Variants in RNFT1 observed in about 807,000 individuals in gnomAD.
RNFT1 encodes the protein ring finger protein, transmembrane 1.
RNFT1 carries 35 observed loss-of-function variants against 53.2 expected under a neutral mutation model. That is an observed-to-expected ratio of 0.66 (90% confidence interval 0.50 to 0.87). The LOEUF is 0.87. RNFT1 is among the 40% of genes least tolerant of loss of function. The pLI, the probability that RNFT1 is intolerant of heterozygous loss-of-function variation, is 0.00. For synonymous variants in RNFT1, 141 were observed against 172.8 expected, an observed-to-expected ratio of 0.82 and a Z score of 1.44; for missense variants, 421 against 515.0, an observed-to-expected ratio of 0.82 and a Z score of 1.77.
chr17:59,952,313 G>A lies in RNFT1; in HGVS notation c.*664C>T, dbSNP rs1452890349. ...GGTACTATACAAAAAGCATGATCAT[G>A]AACATTAAAGCTGATGGCAGGAAGA... On this transcript the variant is annotated 3_prime_UTR_variant, in exon 9 of 9. Transcript: ENST00000305783. 1.3e-5 allele frequency: 2 copies of A among 152,156 alleles called. No individual in the cohort carries two copies. The highest frequency in any genetic ancestry group is 4.8e-5 in the African/African-American group (2 of 41,452). 9.4% of individuals were successfully genotyped at this position (152,156 alleles called of 1,614,324 possible).
chr17:59,957,807 T>C (rs1054867256), intron 5 of RNFT1, among the ~76,000 whole-genome samples: 4 of 152,120 alleles, frequency 2.6e-5, no homozygotes, highest in African/African-American at 9.7e-5. Context: ...ATCACACCAC[T>C]GCACTCCAGC....
chr17:59,958,753 A>C (rs184514898), intron 4 of RNFT1: 1 of 450,516 alleles, frequency 2.2e-6, no homozygotes, highest in African/African-American at 2.0e-5. Context: ...GTTTTTCTTA[A>C]CCAATTCCAA....
intron 5 of RNFT1, 149 bp downstream of exon 5, chr17:59,958,142 C>CA: frequency 2.8e-6 from 2 of 710,818 alleles, no homozygotes; most frequent in Non-Finnish European, 4.5e-6. Flanking sequence ...AGTGCCTGAA[C>CA]AAATGGTTGC....
intron 6 of RNFT1, 96 bp downstream of exon 6, chr17:59,957,128 G>C (rs2045258572): frequency 4.9e-6 from 6 of 1,229,986 alleles, no homozygotes; most frequent in Non-Finnish European, 6.8e-6. Flanking sequence ...GTGATATGAA[G>C]ATAAACTATA....
At chr17:59,956,803 A>C (rs2045256914) in intron 6 of RNFT1, among the ~76,000 whole-genome samples, 1 of 152,266 alleles carries the variant, frequency 6.6e-6, no homozygotes, top group Non-Finnish European at 1.5e-5. Flanking sequence ...TCAAAGTCAA[A>C]GCAATTTTAT....
At chr17:59,958,555 G>A in intron 4 of RNFT1, 111 bp from the exon 5 acceptor site, 1 of 915,076 alleles carries the variant, frequency 1.1e-6, no homozygotes, top group South Asian at 1.6e-5. Context: ...AAAAATATGA[G>A]TTTGGCAGGA....
intron 3 of RNFT1, 22 bp from the exon 4 acceptor site, chr17:59,960,190 A>G: frequency 6.3e-7 from 1 of 1,587,272 alleles, no homozygotes. Flanking sequence ...ACAATTTTAT[A>G]ATGTTACTTT....
chr17:59,963,618 T>C (rs1337972369), intron 1 of RNFT1, among the ~76,000 whole-genome samples: 2 of 152,216 alleles, frequency 1.3e-5, no homozygotes, highest in Non-Finnish European at 2.9e-5. Flanking sequence ...CTGGGTACTC[T>C]GGTACATTTA....
At chr17:59,961,652 C>T (rs1177177394) in intron 3 of RNFT1, among the ~76,000 whole-genome samples, 3 of 151,926 alleles carry the variant, frequency 2.0e-5, no homozygotes, top group Non-Finnish European at 4.4e-5. Flanking sequence ...TCTTGGCTCA[C>T]TGCAACCTCT....
chr17:59,959,475 C>T (rs776898234), intron 4 of RNFT1: 4 of 152,218 alleles, frequency 2.6e-5, no homozygotes, highest in Non-Finnish European at 4.4e-5. Flanking sequence ...TTCTTACTTT[C>T]AGAAACAACG....
chr17:59,954,687 G>A (rs1420610275), intron 7 of RNFT1, among the ~76,000 whole-genome samples: 2 of 152,180 alleles, frequency 1.3e-5, no homozygotes, highest in East Asian at 3.8e-4. Flanking sequence ...CCAAGTGAGT[G>A]CAATATGAAG....
rs746477440 is a variant in RNFT1, at chr17:59,954,001, G to C, written c.1173+44C>G. 6.6e-6 allele frequency: 8 copies of C among 1,209,892 alleles called. No homozygotes were observed. The South Asian group carries it at 1.0e-4, about 15-fold the overall frequency. 74.9% of individuals were successfully genotyped at this position (1,209,892 alleles called of 1,614,324 possible). ...ATAAATTTGACTTTTGCAAGTCACA[G>C]AGAACTGTTGTATTTAGGTTTTTAA... On this transcript the variant is annotated intron_variant, in intron 8 of 8. Coordinates refer to ENST00000305783, the MANE Select transcript of RNFT1 (RefSeq NM_016125.4).
chr17:59,961,764 A>G (rs1384663720), intron 3 of RNFT1, among the ~76,000 whole-genome samples: 2 of 151,684 alleles, frequency 1.3e-5, no homozygotes, highest in African/African-American at 4.8e-5. Context: ...TTTAGTAGAC[A>G]TGGGGTTTCA....
At chr17:59,954,884 T>C (rs2045244155) in intron 7 of RNFT1, among the ~76,000 whole-genome samples, 2 of 152,238 alleles carry the variant, frequency 1.3e-5, no homozygotes, top group Non-Finnish European at 2.9e-5. Context: ...TTTTCTTCTC[T>C]TCTAATGTCC....
chr17:59,954,114 A>T lies in RNFT1; in HGVS notation c.1104T>A (p.Cys368Ter), dbSNP rs1230367849. 6.2e-7 allele frequency: 1 copy of T among 1,603,280 alleles called. No individual in the cohort carries two copies. The change falls in exon 8 of 9, where the codon TGT becomes TGA. Residue 368 changes from cysteine (C) to a stop codon, truncating the protein, a stop_gained. Coordinates refer to ENST00000305783, the MANE Select transcript of RNFT1 (RefSeq NM_016125.4). LOFTEE classifies it high-confidence loss of function. ...TTGAACAAATATCATCCACATCTGA[A>T]CACTGTCTCTTGCTGGCAGCCACTC... ...SYGVAASKRQ[C>*]SDVDDICSIC...
rs1428128675 is a variant in RNFT1, at chr17:59,958,344, A to G, written c.793T>C (p.Leu265=). Residue 265 remains leucine (L), a synonymous_variant, in exon 5 of 9, where the codon TTA becomes CTA. Transcript: ENST00000305783. ...GGCACCAATAAAATAAGGCATTTTA[A>G]GCCCATGAAAAAGAATTTCAGAATG... ...DFILKFFFMG[L]KCLILLVPSF... The G allele has an allele frequency of 1.2e-6, 2 of 1,603,580 alleles. No individual in the cohort carries two copies. The highest frequency in any genetic ancestry group is 1.8e-5 in the Admixed American group (1 of 56,970).
chr17:59,953,873 T>G, intron 8 of RNFT1, 172 bp downstream of exon 8: 1 of 468,814 alleles, frequency 2.1e-6, no homozygotes. Flanking sequence ...GCATAAAAAT[T>G]ATCAGAACAT....
At chr17:59,960,263 A>AT in intron 3 of RNFT1, 95 bp from the exon 4 acceptor site, 1 of 1,345,498 alleles carries the variant, frequency 7.4e-7, no homozygotes, top group Non-Finnish European at 1.0e-6. Context: ...AACTTAGAAT[A>AT]TTTTTCTAAA....
In RNFT1 at chr17:59,958,385, A is replaced by G. The variant is rs761445008; in HGVS notation, c.752T>C (p.Val251Ala). ...TTTCAGAATGAAGTCTGTAATTCCA[A>G]CAATCCAAAATACTTCCCAGAAGCT... ...HLSFWEVFWI[V>A]GITDFILKFF... The change falls in exon 5 of 9, where the codon GTT (valine) becomes GCT (alanine). Residue 251 changes from valine (V) to alanine (A), a missense_variant. By Grantham distance (64) the Val-to-Ala change is moderately conservative. Coordinates refer to ENST00000305783, the MANE Select transcript of RNFT1 (RefSeq NM_016125.4). The G allele has an allele frequency of 2.2e-5, 36 of 1,604,230 alleles. No individual in the cohort carries two copies. The Admixed American group carries it at 5.1e-4, about 23-fold the overall frequency.
Sources: gnomAD v4.1 joint callset for allele counts (sites outside exome capture counted in the v4.1 genomes callset) on GRCh38, gnomAD v4.1.1 for gene constraint, MANE v1.5 for transcripts, NCBI Gene and HGNC (gene_info 2026-07-23, HGNC 2026-07-21) for gene names.